Variants in ELMO1 observed in about 807,000 individuals in gnomAD.
The protein encoded by ELMO1 is engulfment and cell motility protein 1.
Under a neutral mutation model 98.9 loss-of-function variants are expected in ELMO1, and 26 were observed. That is an observed-to-expected ratio of 0.26 (90% CI 0.19 to 0.36). The LOEUF is 0.36. ELMO1 is among the 10% of genes least tolerant of loss of function. ELMO1 has a pLI of 1.00. For missense variants in ELMO1, 627 were observed against 935.2 expected, an observed-to-expected ratio of 0.67 and a Z score of 4.30; for synonymous variants, 346 against 346.0, an observed-to-expected ratio of 1.00 and a Z score of 0.00.
chr7:37,024,022 C>G (rs1794429107), intron 15 of ELMO1, among the ~76,000 whole-genome samples: 1 of 152,188 alleles, frequency 6.6e-6, no homozygotes, highest in Non-Finnish European at 1.5e-5. Flanking sequence ...ATCTCCCTCT[C>G]TTTTTCCTTC....
chr7:37,051,979 C>T (rs1463102347), intron 15 of ELMO1, among the ~76,000 whole-genome samples: 1 of 152,220 alleles, frequency 6.6e-6, no homozygotes, highest in Admixed American at 6.5e-5. Flanking sequence ...GGTCATTAAA[C>T]AGCAGAGGTT....
intron 21 of ELMO1, among the ~76,000 whole-genome samples, chr7:36,856,404 G>A (rs1039757426): frequency 6.6e-6 from 1 of 152,316 alleles, no homozygotes; most frequent in Non-Finnish European, 1.5e-5. Context: ...GAGGAGGGTT[G>A]GCTGCCTGTC....
At chr7:37,368,984 G>A (rs551430197) in intron 1 of ELMO1, among the ~76,000 whole-genome samples, 48 of 152,258 alleles carry the variant, frequency 3.2e-4, no homozygotes, top group African/African-American at 1.2e-3. Flanking sequence ...GGAGATGAAG[G>A]GAGAAGCTTT....
At chr7:37,061,833 G>C (rs964845774) in intron 15 of ELMO1, among the ~76,000 whole-genome samples, 2 of 152,080 alleles carry the variant, frequency 1.3e-5, no homozygotes, top group Admixed American at 6.6e-5. Flanking sequence ...CAACCTAAAA[G>C]GTTTCCACAT....
chr7:37,242,642 G>A (rs1794817415), intron 7 of ELMO1, among the ~76,000 whole-genome samples: 1 of 152,226 alleles, frequency 6.6e-6, no homozygotes, highest in Non-Finnish European at 1.5e-5. Flanking sequence ...AGTGACAGCT[G>A]ACATCTTTGC....
chr7:37,412,334 C>A (rs1804027069), intron 1 of ELMO1, among the ~76,000 whole-genome samples: 1 of 152,206 alleles, frequency 6.6e-6, no homozygotes, highest in South Asian at 2.1e-4. Flanking sequence ...GCTGTGCCAG[C>A]CCCCTTCACC....
chr7:36,870,449 C>T lies in ELMO1; in HGVS notation c.1849G>A (p.Val617Met). The T allele has an allele frequency of 1.2e-6, 2 of 1,614,054 alleles. No homozygotes were observed. The highest frequency in any genetic ancestry group is 1.7e-6 in the Non-Finnish European group (2 of 1,179,986). Residue 617 changes from valine (V) to methionine (M), a missense_variant, in exon 20 of 22, where the codon GTG (valine) becomes ATG (methionine). Val to Met is a conservative substitution (Grantham distance 21). Coordinates refer to ENST00000310758, the MANE Select transcript of ELMO1 (RefSeq NM_014800.11). The surrounding 1 kb of genome is among the most constrained non-coding windows in gnomAD (Gnocchi z 4.4). ...ATATGAGGGCAGTCCTTTCCCGTCA[C>T]CACGGCTTTGATATCTGCCACCGGC... ...KLPVADIKAV[V>M]TGKDCPHMKE...
chr7:36,920,652 CAT>C (rs1491043367), intron 16 of ELMO1, among the ~76,000 whole-genome samples: 4 of 152,242 alleles, frequency 2.6e-5, no homozygotes, highest in South Asian at 4.1e-4. Context: ...TGGCATAAAA[CAT>C]AGCCATATTA....
Position 37,132,977 on chromosome 7 carries a change from C to T in ELMO1, c.1191+153G>A, listed in dbSNP as rs191787281. The T allele has an allele frequency of 3.4e-4, 174 of 511,414 alleles. 2 individuals are homozygous for T. In the East Asian group the frequency reaches 5.6e-3, roughly 17 times the overall value. The allele number at this position is 511,414 out of a possible 1,614,324, so 31.7% of individuals were successfully genotyped here. Reference sequence around the variant, plus strand: ...CTCATTTCAGTCCCCTGATTGATCTCACTTAATTCTGATTTTTTTTTTTTT... The same window carrying T: ...CTCATTTCAGTCCCCTGATTGATCTTACTTAATTCTGATTTTTTTTTTTTT... On this transcript the variant is annotated intron_variant, in intron 14 of 21. Coordinates refer to ENST00000310758, the MANE Select transcript of ELMO1 (RefSeq NM_014800.11).
intron 14 of ELMO1, among the ~76,000 whole-genome samples, chr7:37,104,263 G>GT (rs1784821378): frequency 6.6e-6 from 1 of 151,506 alleles, no homozygotes; most frequent in Non-Finnish European, 1.5e-5. Flanking sequence ...AATATATTTG[G>GT]TGTGTTAAAA....
At chr7:37,166,548 GGT>G (rs1789706106) in intron 13 of ELMO1, among the ~76,000 whole-genome samples, 6 of 151,114 alleles carry the variant, frequency 4.0e-5, no homozygotes, top group African/African-American at 1.5e-4. Context: ...TCTTTGTTCT[GGT>G]TGGTTTCAAA....
At chr7:37,120,412 G>A (rs2129286948) in intron 14 of ELMO1, among the ~76,000 whole-genome samples, 1 of 152,316 alleles carries the variant, frequency 6.6e-6, no homozygotes, top group East Asian at 1.9e-4. Context: ...CTGGGAAATT[G>A]GGTCACTCCC....
intron 13 of ELMO1, among the ~76,000 whole-genome samples, chr7:37,145,533 T>C (rs1287839120): frequency 6.6e-6 from 1 of 152,248 alleles, no homozygotes; most frequent in Non-Finnish European, 1.5e-5. Flanking sequence ...TAGCAAACTG[T>C]AATCAGGCAA....
chr7:37,092,763 C>G (rs528917946), intron 15 of ELMO1, among the ~76,000 whole-genome samples: 1 of 152,188 alleles, frequency 6.6e-6, no homozygotes, highest in African/African-American at 2.4e-5. Flanking sequence ...CCTCATTTAT[C>G]TCATAAATAA....
chr7:37,138,643 A>G (rs1019740781), intron 13 of ELMO1, among the ~76,000 whole-genome samples: 3 of 152,210 alleles, frequency 2.0e-5, no homozygotes, highest in Admixed American at 2.0e-4. Context: ...TCTATCAGAC[A>G]TTCAAGTAAG....
intron 6 of ELMO1, among the ~76,000 whole-genome samples, chr7:37,248,417 G>A (rs772608982): frequency 2.0e-4 from 31 of 151,964 alleles, no homozygotes; most frequent in Non-Finnish European, 3.5e-4. Flanking sequence ...GGACAAAGAC[G>A]CACAGAGAAA....
chr7:37,262,891 G>A (rs1192604947), intron 5 of ELMO1, among the ~76,000 whole-genome samples: 1 of 152,306 alleles, frequency 6.6e-6, no homozygotes, highest in East Asian at 1.9e-4. Flanking sequence ...GAACTGTGAT[G>A]AGATCATGTT....
chr7:37,241,100 TAGTC>T (rs1411664287), intron 7 of ELMO1, among the ~76,000 whole-genome samples: 1 of 152,080 alleles, frequency 6.6e-6, no homozygotes, highest in Non-Finnish European at 1.5e-5. Context: ...TTCTCCTTAG[TAGTC>T]AGTGTTTGCT....
chr7:37,207,377 C>G (rs188020443), intron 13 of ELMO1, among the ~76,000 whole-genome samples: 1 of 150,442 alleles, frequency 6.6e-6, no homozygotes, highest in Admixed American at 6.7e-5. Context: ...ATGGCGAAAC[C>G]CTGTCTCTAC....
Sources: gnomAD v4.1 joint callset for allele counts (sites outside exome capture counted in the v4.1 genomes callset) on GRCh38, gnomAD v4.1.1 for gene constraint, Gnocchi (gnomAD v3.1) non-coding constraint, MANE v1.5 for transcripts, NCBI Gene and HGNC (gene_info 2026-07-23, HGNC 2026-07-21) for gene names.